Variants in TENM3 observed in about 807,000 individuals in gnomAD.
The protein encoded by TENM3 is teneurin transmembrane protein 3.
Under a neutral mutation model 255.1 loss-of-function variants are expected in TENM3, and 63 were observed. The ratio of observed to expected loss-of-function variants is 0.25; its 90% CI spans 0.20 to 0.30. TENM3 has a LOEUF of 0.30. Among genes scored for constraint, TENM3 ranks in the 10% least tolerant of loss-of-function variants. The pLI is 1.00. For missense variants in TENM3, 2,929 were observed against 3,461.1 expected (o/e 0.85, Z 3.86); for synonymous variants, 1,306 against 1,322.3 (o/e 0.99, Z 0.27).
At chr4:182,060,189 A>G in the TENM3 span, among the ~76,000 whole-genome samples, 4 of 152,242 alleles carry the variant, frequency 2.6e-5, no homozygotes, top group South Asian at 8.3e-4. Flanking sequence ...GTGAGCCATG[A>G]CTGCACCACT....
the TENM3 span, among the ~76,000 whole-genome samples, chr4:181,725,093 T>G: frequency 6.6e-6 from 1 of 152,224 alleles, no homozygotes; most frequent in Non-Finnish European, 1.5e-5. Flanking sequence ...CAGGCTATTG[T>G]GCAGGACAAA....
chr4:181,921,879 G>A, the TENM3 span, among the ~76,000 whole-genome samples: 7 of 152,034 alleles, frequency 4.6e-5, no homozygotes, highest in Non-Finnish European at 4.4e-5. Context: ...GTTTGTCATA[G>A]ATAGCTCTTA....
the TENM3 span, among the ~76,000 whole-genome samples, chr4:182,032,492 G>T: frequency 6.6e-6 from 1 of 152,184 alleles, no homozygotes; most frequent in African/African-American, 2.4e-5. Context: ...GTTCATCGGG[G>T]ATATTGGCCT....
At chr4:182,701,210 C>CT (rs35538818) in intron 12 of TENM3, among the ~76,000 whole-genome samples, 1,018 of 38,612 alleles carry the variant, frequency 0.026, 367 homozygotes, top group African/African-American at 0.033. Flanking sequence ...CAACTCTTGA[C>CT]TTTTTTTTTT....
the TENM3 span, among the ~76,000 whole-genome samples, chr4:182,100,498 C>T: frequency 7.2e-6 from 1 of 138,860 alleles, no homozygotes; most frequent in Non-Finnish European, 1.5e-5. Flanking sequence ...TATATATACA[C>T]ACACACACAT....
At chr4:182,681,660 T>C (rs1331925217) in intron 10 of TENM3, among the ~76,000 whole-genome samples, 154 bp from the exon 11 acceptor site, 4 of 152,238 alleles carry the variant, frequency 2.6e-5, no homozygotes, top group Non-Finnish European at 5.9e-5. Flanking sequence ...GTATTATAAT[T>C]CTTTGCATTT....
chr4:182,055,938 A>G, the TENM3 span, among the ~76,000 whole-genome samples: 2 of 152,170 alleles, frequency 1.3e-5, no homozygotes, highest in Admixed American at 1.3e-4. Flanking sequence ...AGGGTTGGAG[A>G]AGCAAACTGA....
rs1445063919 is a variant in TENM3, at chr4:182,738,682, AT to A, written c.3379+139del. On this transcript the variant is annotated intron_variant, in intron 18 of 27. Transcript: ENST00000511685. The stretch of plus-strand genomic sequence containing the variant: ...TAGGATTAGAAATGGCAGAAAAAAA[AT>A]AAAGGTGAATTTTTAAAGATTATAA... The A allele has an allele frequency of 7.2e-5, 45 of 621,270 alleles. No homozygotes were observed. The African/African-American group carries it at 7.7e-4, about 11-fold the overall frequency. 38.5% of individuals were successfully genotyped at this position (621,270 alleles called of 1,614,324 possible).
intron 3 of TENM3, among the ~76,000 whole-genome samples, chr4:182,569,971 C>G (rs1410004421): frequency 6.6e-6 from 1 of 152,156 alleles, no homozygotes; most frequent in Non-Finnish European, 1.5e-5. Context: ...TAAAATGTAT[C>G]ACTAAAATTA....
intron 3 of TENM3, among the ~76,000 whole-genome samples, chr4:182,436,242 T>C (rs781438357): frequency 2.0e-5 from 3 of 152,170 alleles, no homozygotes; most frequent in Non-Finnish European, 4.4e-5. Context: ...GTAAGGGAGA[T>C]GTTTCCCTTA....
chr4:181,588,037 G>A, the TENM3 span, among the ~76,000 whole-genome samples: 21 of 152,276 alleles, frequency 1.4e-4, no homozygotes, highest in African/African-American at 4.8e-4. Context: ...GCCGCCATCT[G>A]CACCTGGTCA....
the TENM3 span, among the ~76,000 whole-genome samples, chr4:181,751,906 A>G: frequency 6.6e-6 from 1 of 152,270 alleles, no homozygotes; most frequent in Admixed American, 6.5e-5. Flanking sequence ...CAGTGTCACA[A>G]CTTGCCTGCA....
intron 1 of TENM3, among the ~76,000 whole-genome samples, chr4:182,194,232 C>G (rs185969075): frequency 1.3e-5 from 2 of 151,898 alleles, no homozygotes; most frequent in Non-Finnish European, 2.9e-5. Context: ...ATCCTTGATC[C>G]GAGCTGCTTT....
At chr4:181,448,638 A>C in the TENM3 span, among the ~76,000 whole-genome samples, 1 of 152,232 alleles carries the variant, frequency 6.6e-6, no homozygotes, top group African/African-American at 2.4e-5. Context: ...AGATTGTTAA[A>C]TGGAAATCAA....
the TENM3 span, among the ~76,000 whole-genome samples, chr4:181,693,981 T>C: frequency 4.5e-3 from 683 of 152,294 alleles, 6 homozygotes; most frequent in African/African-American, 0.016. Flanking sequence ...TCAGAATACC[T>C]GGGCATCTTT....
the TENM3 span, among the ~76,000 whole-genome samples, chr4:181,556,535 C>A: frequency 3.3e-3 from 505 of 152,176 alleles, 3 homozygotes; most frequent in African/African-American, 0.012. Context: ...AGACTTACAT[C>A]ATTTAAAAAA....
At chr4:182,628,410 A>T (rs912116405) in intron 4 of TENM3, among the ~76,000 whole-genome samples, 1 of 152,208 alleles carries the variant, frequency 6.6e-6, no homozygotes, top group Non-Finnish European at 1.5e-5. Flanking sequence ...ATGATCATTT[A>T]TATGTATAAA....
At chr4:182,058,475 T>C in the TENM3 span, among the ~76,000 whole-genome samples, 2 of 152,184 alleles carry the variant, frequency 1.3e-5, no homozygotes, top group African/African-American at 4.8e-5. Context: ...TTAGGTTTGG[T>C]GTTTAGATTC....
the TENM3 span, among the ~76,000 whole-genome samples, chr4:181,935,173 A>C: frequency 7.1e-4 from 108 of 152,340 alleles, 1 homozygote; most frequent in East Asian, 0.017. Context: ...CAGTTTATTA[A>C]TAATAACACC....
Sources: allele counts gnomAD v4.1 joint callset (sites outside exome capture counted in the v4.1 genomes callset), GRCh38; gene constraint gnomAD v4.1.1; transcripts MANE v1.5; gene names NCBI Gene and HGNC (gene_info 2026-07-23, HGNC 2026-07-21).